Variants in TBL1XR1 observed in about 807,000 individuals in gnomAD.
TBL1XR1 encodes the protein TBL1X/Y related 1, also known as F-box-like/WD repeat-containing protein TBL1XR1.
A neutral mutation model predicts 66.9 loss-of-function variants in TBL1XR1; 5 were observed. The ratio of observed to expected loss-of-function variants is 0.07; its 90% CI spans 0.04 to 0.16. The LOEUF (loss-of-function observed/expected upper bound fraction) is 0.16, where lower values mean the gene tolerates loss of function less well. Among genes scored for constraint, TBL1XR1 ranks in the 10% least tolerant of loss-of-function variants. TBL1XR1 has a pLI of 1.00. For synonymous variants in TBL1XR1, 210 were observed against 206.0 expected (o/e 1.02, Z -0.17); for missense variants, 238 against 623.2 (o/e 0.38, Z 6.58).
chr3:177,036,739 T>C (rs1714844633), intron 12 of TBL1XR1, among the ~76,000 whole-genome samples: 1 of 152,206 alleles, frequency 6.6e-6, no homozygotes, highest in African/African-American at 2.4e-5. Context: ...TAGCAGATAC[T>C]TAAAGGAGAA....
chr3:177,102,087 GTTTCTT>G, intron 1 of TBL1XR1, among the ~76,000 whole-genome samples: 1 of 152,100 alleles, frequency 6.6e-6, no homozygotes, highest in East Asian at 1.9e-4. Flanking sequence ...CATTCTTCCA[GTTTCTT>G]TTTCTAACTT....
At chr3:177,194,787 TTTAA>T (rs755770074) in intron 1 of TBL1XR1, among the ~76,000 whole-genome samples, 18 of 152,190 alleles carry the variant, frequency 1.2e-4, no homozygotes, top group Admixed American at 4.6e-4. Context: ...ATGCAAAACC[TTTAA>T]TTAGGTGTCG....
At chr3:177,056,593 T>C (rs1006098745) in intron 3 of TBL1XR1, among the ~76,000 whole-genome samples, 4 of 152,246 alleles carry the variant, frequency 2.6e-5, no homozygotes, top group Admixed American at 1.3e-4. Flanking sequence ...TGAATTCAAC[T>C]AGAATATTTT....
At chr3:177,135,361 ATATATATATATATATATATATG>A (rs1243148272) in intron 1 of TBL1XR1, among the ~76,000 whole-genome samples, 1,329 of 33,544 alleles carry the variant, frequency 0.04, 89 homozygotes, top group African/African-American at 0.1. Context: ...ATATATATAT[ATATATATATATATATATATATG>A]TATGTATTTT....
chr3:177,196,902 A>C, intron 1 of TBL1XR1, among the ~76,000 whole-genome samples: 1 of 151,032 alleles, frequency 6.6e-6, no homozygotes. Context: ...TTTCAAAGAA[A>C]CCTGAGAGAG....
chr3:177,185,515 G>C (rs1291044867), intron 1 of TBL1XR1, among the ~76,000 whole-genome samples: 1 of 152,004 alleles, frequency 6.6e-6, no homozygotes, highest in Non-Finnish European at 1.5e-5. Flanking sequence ...CCTGAGGCAG[G>C]GGCATCACTT....
chr3:177,082,835 AAGCTCC>A (rs1721602921), intron 2 of TBL1XR1, among the ~76,000 whole-genome samples: 1 of 144,610 alleles, frequency 6.9e-6, no homozygotes, highest in South Asian at 2.2e-4. Context: ...GGCTCACTGC[AAGCTCC>A]ACCTCCCAGG....
intron 13 of TBL1XR1, among the ~76,000 whole-genome samples, chr3:177,033,737 T>TAC (rs1436795475): frequency 6.6e-6 from 1 of 152,190 alleles, no homozygotes; most frequent in Non-Finnish European, 1.5e-5. Context: ...CACCATGGAA[T>TAC]ACTACTTAGC....
intron 2 of TBL1XR1, among the ~76,000 whole-genome samples, chr3:177,095,273 T>C (rs568973009): frequency 6.6e-6 from 1 of 152,070 alleles, no homozygotes; most frequent in East Asian, 1.9e-4. Flanking sequence ...TTAATGGGTA[T>C]ACGGTTTTGG....
At chr3:177,146,094 AC>A (rs1730204633) in intron 1 of TBL1XR1, among the ~76,000 whole-genome samples, 1 of 152,202 alleles carries the variant, frequency 6.6e-6, no homozygotes, top group African/African-American at 2.4e-5. Flanking sequence ...AATCTTAATG[AC>A]TACAAGGAAG....
upstream of TBL1XR1, among the ~76,000 whole-genome samples, chr3:177,200,215 G>A (rs192154933): frequency 4.0e-3 from 612 of 152,124 alleles, 6 homozygotes; most frequent in African/African-American, 0.014. Context: ...CAAGTCATCT[G>A]CCTGCCTCAG....
At chr3:177,052,302 CAAG>C (rs1341561471) in intron 4 of TBL1XR1, among the ~76,000 whole-genome samples, 1 of 152,054 alleles carries the variant, frequency 6.6e-6, no homozygotes, top group Non-Finnish European at 1.5e-5. Flanking sequence ...CAAGTAAGCA[CAAG>C]AAGAGACACA....
At chr3:177,028,527 T>C (rs1026599223) in intron 14 of TBL1XR1, among the ~76,000 whole-genome samples, 1 of 152,132 alleles carries the variant, frequency 6.6e-6, no homozygotes, top group African/African-American at 2.4e-5. Context: ...AGGTCATTCA[T>C]AGTAACATAA....
chr3:177,161,907 C>T (rs1009490355), intron 1 of TBL1XR1, among the ~76,000 whole-genome samples: 11 of 152,108 alleles, frequency 7.2e-5, no homozygotes, highest in African/African-American at 2.7e-4. Flanking sequence ...CACAATGAGA[C>T]ACCACACACT....
chr3:177,150,817 T>C (rs777302920), intron 1 of TBL1XR1, among the ~76,000 whole-genome samples: 6 of 152,164 alleles, frequency 3.9e-5, no homozygotes, highest in Admixed American at 6.5e-5. Flanking sequence ...TGGAAGGTAA[T>C]AGAGTGAGGT....
chr3:177,053,307 A>G (rs1055615981), intron 4 of TBL1XR1, among the ~76,000 whole-genome samples: 1 of 152,200 alleles, frequency 6.6e-6, no homozygotes, highest in Non-Finnish European at 1.5e-5. Flanking sequence ...CTTTATTGAG[A>G]AAAACAGGGA....
chr3:177,052,277 T>C (rs1245631067), intron 4 of TBL1XR1, among the ~76,000 whole-genome samples: 12 of 152,186 alleles, frequency 7.9e-5, no homozygotes, highest in Admixed American at 3.9e-4. Context: ...AGGAAGTTCC[T>C]AATAAAGAGT....
At chr3:177,106,759 G>A (rs1168378475) in intron 1 of TBL1XR1, among the ~76,000 whole-genome samples, 1 of 152,200 alleles carries the variant, frequency 6.6e-6, no homozygotes, top group East Asian at 1.9e-4. Context: ...CAGGGAAACA[G>A]CTTGGCCTGG....
intron 2 of TBL1XR1, among the ~76,000 whole-genome samples, chr3:177,093,470 C>G (rs1366776507): frequency 6.6e-6 from 1 of 152,092 alleles, no homozygotes; most frequent in Non-Finnish European, 1.5e-5. Context: ...GTACAAAAAA[C>G]AGTCCTAAAT....
Sources: gnomAD v4.1 joint callset for allele counts (sites outside exome capture counted in the v4.1 genomes callset) on GRCh38, gnomAD v4.1.1 for gene constraint, MANE v1.5 for transcripts, NCBI Gene and HGNC (gene_info 2026-07-23, HGNC 2026-07-21) for gene names.